The following PCDHA9 variants were observed in gnomAD, a reference collection of about 807,000 sequenced individuals.
PCDHA9 encodes the protein protocadherin alpha 9, also known as protocadherin alpha-9.
In PCDHA9, 62 loss-of-function variants were observed where a neutral mutation model predicts 62.0. The ratio of observed to expected loss-of-function variants is 1.00; its 90% CI spans 0.81 to 1.23. PCDHA9 has a LOEUF of 1.23. Ranked by LOEUF, PCDHA9 falls within the 50% of genes most tolerant of loss-of-function variation. PCDHA9 has a pLI of 0.00. For synonymous variants in PCDHA9, 557 were observed against 567.6 expected (o/e 0.98, Z 0.27); for missense variants, 1,205 against 1,249.8 (o/e 0.96, Z 0.54).
chr5:140,883,319 A>C, intron 1 of PCDHA9: 1 of 1,614,126 alleles, frequency 6.2e-7, no homozygotes, highest in Non-Finnish European at 8.5e-7. Context: ...CCCAGAGGTT[A>C]CCATCACTTC....
intron 1 of PCDHA9, chr5:140,878,023 T>C (rs1162658024): frequency 2.6e-6 from 2 of 762,594 alleles, no homozygotes; most frequent in Non-Finnish European, 3.8e-6. Context: ...GAAGGAAATA[T>C]GTAGGTACAA....
intron 1 of PCDHA9, chr5:140,852,273 G>A: frequency 4.0e-6 from 2 of 502,850 alleles, no homozygotes; most frequent in Non-Finnish European, 5.3e-6. Context: ...AATATTACAT[G>A]TTTTTTGTCT....
At chr5:140,961,591 T>C (rs1280839822) in intron 1 of PCDHA9, among the ~76,000 whole-genome samples, 1 of 152,190 alleles carries the variant, frequency 6.6e-6, no homozygotes, top group African/African-American at 2.4e-5. Flanking sequence ...ATTTTGGCAA[T>C]GATTCTAGTA....
chr5:140,922,176 C>CA (rs3836750), intron 1 of PCDHA9, among the ~76,000 whole-genome samples: 11 of 150,702 alleles, frequency 7.3e-5, no homozygotes, highest in East Asian at 5.8e-4. Flanking sequence ...GTACAGCAGA[C>CA]AAAAAAAAAG....
intron 3 of PCDHA9, 112 bp downstream of exon 3, chr5:140,982,675 T>A (rs782533593): frequency 1.3e-4 from 192 of 1,441,664 alleles, no homozygotes; most frequent in Middle Eastern, 9.1e-4. Flanking sequence ...ATTTTTGTTA[T>A]TCCCTTTTTT....
At chr5:140,854,159 C>CAAAAAA (rs59855104) in intron 1 of PCDHA9, 412 of 341,018 alleles carry the variant, frequency 1.2e-3, no homozygotes, top group Non-Finnish European at 1.4e-3. Flanking sequence ...GATTCTGTCT[C>CAAAAAA]AAAAAAAAAA....
chr5:140,965,011 A>T (rs1418726287), intron 1 of PCDHA9, among the ~76,000 whole-genome samples: 1 of 152,186 alleles, frequency 6.6e-6, no homozygotes, highest in Non-Finnish European at 1.5e-5. Context: ...TGTCAGGATC[A>T]CAACCTTGGC....
At chr5:140,981,203 C>T (rs2096922514) in intron 2 of PCDHA9, among the ~76,000 whole-genome samples, 1 of 152,212 alleles carries the variant, frequency 6.6e-6, no homozygotes, top group South Asian at 2.1e-4. Flanking sequence ...TCTGTTGCCT[C>T]ATATAACCCC....
At chr5:140,907,179 G>A (rs1257591299) in intron 1 of PCDHA9, among the ~76,000 whole-genome samples, 2 of 152,160 alleles carry the variant, frequency 1.3e-5, no homozygotes, top group Non-Finnish European at 2.9e-5. Flanking sequence ...CTGATTCAGA[G>A]CATACACAAC....
intron 1 of PCDHA9, chr5:140,884,024 G>A: frequency 6.2e-7 from 1 of 1,613,318 alleles, no homozygotes; most frequent in Non-Finnish European, 8.5e-7. Flanking sequence ...GCGGTCGGTG[G>A]GTGCAGGCCA....
At chr5:140,851,732 T>C in intron 1 of PCDHA9, 2 of 971,434 alleles carry the variant, frequency 2.1e-6, no homozygotes, top group Non-Finnish European at 2.5e-6. Context: ...CGAGTTCTTT[T>C]GAAATTCAGA....
chr5:140,883,822 C>T, intron 1 of PCDHA9: 2 of 1,612,484 alleles, frequency 1.2e-6, no homozygotes, highest in Non-Finnish European at 1.7e-6. Flanking sequence ...GCAAGGTGTA[C>T]GCGCTGCAGC....
chr5:140,978,758 C>A (rs925464508), intron 1 of PCDHA9, among the ~76,000 whole-genome samples, 191 bp from the exon 2 acceptor site: 6 of 152,148 alleles, frequency 3.9e-5, no homozygotes, highest in African/African-American at 1.4e-4. Context: ...TGTGTGAGGA[C>A]CCTGATGAAC....
chr5:140,916,723 T>C (rs1264644464), intron 1 of PCDHA9, among the ~76,000 whole-genome samples: 1 of 152,186 alleles, frequency 6.6e-6, no homozygotes, highest in Non-Finnish European at 1.5e-5. Context: ...GGAGTGACTT[T>C]TGTTGCTGCA....
chr5:141,006,504 C>T (rs911793343), intron 3 of PCDHA9, among the ~76,000 whole-genome samples: 4 of 152,022 alleles, frequency 2.6e-5, no homozygotes, highest in East Asian at 1.9e-4. Flanking sequence ...TGAGCCACCG[C>T]GCCTGGCTGT....
chr5:140,928,659 C>T (rs782522131), intron 1 of PCDHA9: 2 of 1,614,080 alleles, frequency 1.2e-6, no homozygotes, highest in African/African-American at 2.7e-5. Context: ...AGGATGCTGA[C>T]AGTGGTTCTA....
intron 1 of PCDHA9, chr5:140,883,205 A>C: frequency 6.2e-7 from 1 of 1,614,036 alleles, no homozygotes; most frequent in Non-Finnish European, 8.5e-7. Flanking sequence ...TTTCGAAGAA[A>C]AGAAATTATA....
chr5:140,974,322 G>A (rs11743888), intron 1 of PCDHA9, among the ~76,000 whole-genome samples: 7,497 of 152,260 alleles, frequency 0.049, 207 homozygotes, highest in Middle Eastern at 0.068. Flanking sequence ...GAGAGTAGCT[G>A]CTGTGCTAGC....
At chr5:140,932,525 A>G (rs2088383031) in intron 1 of PCDHA9, among the ~76,000 whole-genome samples, 1 of 151,898 alleles carries the variant, frequency 6.6e-6, no homozygotes, top group Non-Finnish European at 1.5e-5. Flanking sequence ...TGTTTGTGGC[A>G]TTCAAGGTGC....
Sources: allele counts gnomAD v4.1 joint callset (sites outside exome capture counted in the v4.1 genomes callset), GRCh38; gene constraint gnomAD v4.1.1; transcripts MANE v1.5; gene names NCBI Gene and HGNC (gene_info 2026-07-23, HGNC 2026-07-21).